CACNA1A: variants seen among roughly 807,000 people sequenced by gnomAD.
CACNA1A encodes voltage-dependent P/Q-type calcium channel subunit alpha-1A.
A neutral mutation model predicts 262.4 loss-of-function variants in CACNA1A; 57 were observed. The observed-to-expected ratio is 0.22, with a 90% CI of 0.18 to 0.27. CACNA1A has a LOEUF of 0.27. Ranked by LOEUF, CACNA1A falls within the 10% of genes least tolerant of loss-of-function variation. The probability of loss-of-function intolerance (pLI) is 1.00; values close to 1 mark genes in which losing one functional copy is unlikely to be tolerated. For synonymous variants in CACNA1A, 1,431 were observed against 1,419.3 expected, an observed-to-expected ratio of 1.01 and a Z score of -0.18; for missense variants, 2,526 against 3,562.8, an observed-to-expected ratio of 0.71 and a Z score of 7.41.
At chr19:13,459,839 A>G (rs2061085428) in intron 1 of CACNA1A, among the ~76,000 whole-genome samples, 1 of 152,172 alleles carries the variant, frequency 6.6e-6, no homozygotes, top group Non-Finnish European at 1.5e-5. Flanking sequence ...GAGTCCCAGA[A>G]GTCCACCATG....
At chr19:13,300,077 C>T (rs2057757410) in intron 18 of CACNA1A, among the ~76,000 whole-genome samples, 2 of 152,130 alleles carry the variant, frequency 1.3e-5, no homozygotes, top group African/African-American at 4.8e-5. Flanking sequence ...TGTGCAGCCC[C>T]GTTCCTAATA....
intron 3 of CACNA1A, among the ~76,000 whole-genome samples, chr19:13,435,084 C>G (rs746027546): frequency 5.9e-5 from 9 of 151,394 alleles, no homozygotes; most frequent in Non-Finnish European, 8.8e-5. Flanking sequence ...GCCACTGTGC[C>G]CAGCCAGGCA....
rs927311652 is a variant in CACNA1A at position 13,271,212 on chromosome 19, C to T, written c.3989+4638G>A. The stretch of plus-strand genomic sequence containing the variant: ...TCAACTCCCCAAAAGAATCATTCTG[C>T]TGTTTTTTTTTTTTTTTTTTTTTTT... On this transcript the variant is annotated intron_variant, in intron 24 of 46. Coordinates refer to ENST00000360228, the MANE Select transcript of CACNA1A (RefSeq NM_001127222.2). 2.7e-4 allele frequency: 26 copies of T among 96,986 alleles called. 1 individual carries two copies. Among genetic ancestry groups the T allele is most frequent in the African/African-American group, 8.9e-4 (22 of 24,656 alleles). The allele number at this position is 96,986 out of a possible 1,614,324, so 6.0% of individuals were successfully genotyped here.
chr19:13,365,001 G>C (rs1335119108), intron 5 of CACNA1A: 1 of 178,162 alleles, frequency 5.6e-6, no homozygotes. Context: ...CCAGTTTTAA[G>C]TGGTAACCCG....
At chr19:13,490,865 AAAGGAAGGAAAGGAGG>A (rs200378005) in intron 1 of CACNA1A, among the ~76,000 whole-genome samples, 5,358 of 147,178 alleles carry the variant, frequency 0.036, 120 homozygotes, top group African/African-American at 0.056. Flanking sequence ...AAGAGAAAGG[AAAGGAAGGAAAGGAGG>A]AAGGAAGGAA....
chr19:13,451,853 T>C (rs4926162), intron 3 of CACNA1A: 31,010 of 147,574 alleles, frequency 0.21, 4,377 homozygotes, highest in East Asian at 0.52. Flanking sequence ...AACAATTATT[T>C]TGGACTTTTT....
intron 1 of CACNA1A, among the ~76,000 whole-genome samples, chr19:13,465,622 C>T (rs1291422682): frequency 1.3e-5 from 2 of 152,078 alleles, no homozygotes; most frequent in Non-Finnish European, 2.9e-5. Flanking sequence ...ATAGCTGGGA[C>T]TACAGGCACA....
rs904416211 is a variant in CACNA1A, at chr19:13,499,951, T to TG, written c.293+5980dup. Among the ~76,000 whole-genome samples, 31 of 151,464 alleles carry TG rather than the reference T, an allele frequency of 2.0e-4. 1 individual carries two copies. The highest frequency in any genetic ancestry group is 2.0e-3 in the Admixed American group (30 of 15,192). On this transcript the variant is annotated intron_variant, in intron 1 of 46. Coordinates refer to ENST00000360228, the MANE Select transcript of CACNA1A (RefSeq NM_001127222.2). ...GAAAGTGTATATGTGTGCTTGCTAC[T>TG]GGGGGGGAAACAGGGAGGGGGAAGC...
intron 15 of CACNA1A, among the ~76,000 whole-genome samples, chr19:13,306,925 A>G (rs902581344): frequency 6.6e-6 from 1 of 151,982 alleles, no homozygotes; most frequent in Admixed American, 6.6e-5. Flanking sequence ...TTGGTCCTGC[A>G]TGGTGTGCTC....
At chr19:13,452,411 A>C (rs2144933724) in intron 3 of CACNA1A, 1 of 152,722 alleles carries the variant, frequency 6.5e-6, no homozygotes, top group East Asian at 1.9e-4. Flanking sequence ...AAATAAAAGC[A>C]AGATATCCTC....
At chr19:13,453,127 C>T in intron 2 of CACNA1A, 112 bp from the exon 3 acceptor site, 3 of 1,079,964 alleles carry the variant, frequency 2.8e-6, no homozygotes, top group Non-Finnish European at 4.1e-6. Context: ...TTCCCCTGAC[C>T]CTCCTGCACT....
rs763666420 is a variant in CACNA1A at position 13,231,779 on chromosome 19, C to T, written c.5331G>A (p.Leu1777=). ...GKPCDKNSGI[L]TRECGNEFAY... ...CAAATTCATTGCCACACTCTCGAGT[C>T]AGGATGCCAGAGTTCTTATCACACG... The change falls in exon 35 of 47, where the codon CTG becomes CTA. Residue 1777 remains leucine (L), a synonymous_variant. Coordinates refer to ENST00000360228, the MANE Select transcript of CACNA1A (RefSeq NM_001127222.2). 1 of 1,613,882 alleles carries T rather than the reference C, an allele frequency of 6.2e-7. No individual in the cohort carries two copies. Among genetic ancestry groups the T allele is most frequent in the South Asian group, 1.1e-5 (1 of 91,074 alleles).
intron 3 of CACNA1A, among the ~76,000 whole-genome samples, chr19:13,421,381 G>A (rs1208169901): frequency 6.6e-6 from 1 of 152,126 alleles, no homozygotes; most frequent in African/African-American, 2.4e-5. Context: ...GACAATGACT[G>A]GATGGGTAGG....
In CACNA1A at chr19:13,303,537, C is replaced by T. The variant is rs368353124; in HGVS notation, c.2172+9G>A. ...CTTTGCCAGAGAAACATTCTCCCAC[C>T]GCCTCCACCTTGGTGAGCTCCTGGG... is the stretch of plus-strand genomic sequence containing the variant. On this transcript the variant is annotated intron_variant, in intron 17 of 46. Transcript: ENST00000360228. 67 of 1,577,614 alleles carry T rather than the reference C, an allele frequency of 4.2e-5. No homozygotes were observed. The highest frequency in any genetic ancestry group is 4.6e-5 in the Non-Finnish European group (53 of 1,158,810).
intron 5 of CACNA1A, chr19:13,364,143 A>C (rs2059163233): frequency 6.6e-6 from 1 of 152,186 alleles, no homozygotes; most frequent in Non-Finnish European, 1.5e-5. Context: ...ATAGTCAGGG[A>C]GGGGCAGAAT....
intron 28 of CACNA1A, 111 bp from the exon 29 acceptor site, chr19:13,255,370 TCTGC>T: frequency 1.0e-6 from 1 of 968,000 alleles, no homozygotes. Flanking sequence ...TGCTTGAGTC[TCTGC>T]CTCTCTTGCC....
chr19:13,345,670 A>G (rs1203638094), intron 6 of CACNA1A, among the ~76,000 whole-genome samples: 1 of 152,206 alleles, frequency 6.6e-6, no homozygotes, highest in Non-Finnish European at 1.5e-5. Flanking sequence ...TCAGCTCAGG[A>G]GAACACCCGT....
At chr19:13,269,300 T>A (rs1204744538) in intron 24 of CACNA1A, among the ~76,000 whole-genome samples, 2 of 152,316 alleles carry the variant, frequency 1.3e-5, no homozygotes, top group African/African-American at 4.8e-5. Flanking sequence ...ATTTTCCAGA[T>A]GAGGAAGCTG....
intron 28 of CACNA1A, among the ~76,000 whole-genome samples, chr19:13,255,601 G>A (rs1025692903): frequency 6.6e-6 from 1 of 152,112 alleles, no homozygotes. Flanking sequence ...CTTGCCTGAG[G>A]TGACACAGCT....
Sources: gnomAD v4.1 joint callset for allele counts (sites outside exome capture counted in the v4.1 genomes callset) on GRCh38, gnomAD v4.1.1 for gene constraint, MANE v1.5 for transcripts, NCBI Gene and HGNC (gene_info 2026-07-23, HGNC 2026-07-21) for gene names.